The following SELP variants were observed in gnomAD, a reference collection of about 807,000 sequenced individuals.
SELP encodes the protein selectin P.
SELP carries 92 observed loss-of-function variants against 104.1 expected under a neutral mutation model. The ratio of observed to expected loss-of-function variants is 0.88; its 90% CI spans 0.75 to 1.05. The LOEUF (loss-of-function observed/expected upper bound fraction) is 1.05. Ranked by LOEUF, SELP falls within the 50% of genes least tolerant of loss-of-function variation. The pLI is 0.00. For missense variants in SELP, 1,022 were observed against 1,017.3 expected, an observed-to-expected ratio of 1.00 and a Z score of -0.06; for synonymous variants, 397 against 364.5, an observed-to-expected ratio of 1.09 and a Z score of -1.01.
At chr1:169,628,109 T>C (rs1417351975) in intron 1 of SELP, among the ~76,000 whole-genome samples, 1 of 152,242 alleles carries the variant, frequency 6.6e-6, no homozygotes, top group Non-Finnish European at 1.5e-5. Context: ...TTGGCCAGGC[T>C]GCTCTTGAAC....
rs763821804 is a variant in SELP, at chr1:169,611,696, G to A, written c.962-19C>T. On this transcript the variant is annotated intron_variant, in intron 6 of 16. Transcript: ENST00000263686. ...TGCACAGCTGGAGAGAATAACCAAG[G>A]ATAAAGAGAAAGATACTGAGAAAGG... is the stretch of plus-strand genomic sequence containing the variant. 22 of 1,608,200 alleles carry A rather than the reference G, an allele frequency of 1.4e-5. No individual in the cohort carries two copies. The highest frequency in any genetic ancestry group is 1.7e-5 in the Non-Finnish European group (20 of 1,177,124).
chr1:169,597,055 C>T lies in SELP; in HGVS notation c.1827G>A (p.Glu609=). The T allele has an allele frequency of 6.2e-7, 1 of 1,613,380 alleles. No homozygotes were observed. Among genetic ancestry groups the T allele is most frequent in the Non-Finnish European group, 8.5e-7 (1 of 1,179,638 alleles). ...TTGTGCATTCCACATTATTGGGCCCCTCCAGCTTAAAGCCGTTGTCACAAG... is the reference window on the plus strand; with the variant it reads ...TTGTGCATTCCACATTATTGGGCCCTTCCAGCTTAAAGCCGTTGTCACAAG... ...HFSCDNGFKL[E]GPNNVECTTS... is the part of the protein sequence containing the mutation. Residue 609 remains glutamate, a synonymous_variant, in exon 11 of 17, where the codon GAG becomes GAA. Coordinates refer to ENST00000263686, the MANE Select transcript of SELP (RefSeq NM_003005.4).
chr1:169,624,179 C>A (rs921963599), intron 1 of SELP, among the ~76,000 whole-genome samples: 2 of 152,148 alleles, frequency 1.3e-5, no homozygotes, highest in African/African-American at 2.4e-5. Flanking sequence ...TCCTCTGAAA[C>A]CTGCTTGGGG....
chr1:169,597,318 C>T (rs754108069), intron 10 of SELP, 142 bp from the exon 11 acceptor site: 5 of 668,380 alleles, frequency 7.5e-6, no homozygotes, highest in African/African-American at 1.9e-5. Flanking sequence ...CAGCATTCCA[C>T]AACATATCAT....
At chr1:169,616,600 G>C (rs1466459700) in intron 3 of SELP, among the ~76,000 whole-genome samples, 9 of 152,170 alleles carry the variant, frequency 5.9e-5, no homozygotes, top group Non-Finnish European at 1.0e-4. Flanking sequence ...AGTTACAGCT[G>C]TGTCACCTAG....
At chr1:169,609,744 T>C (rs1662409615) in intron 7 of SELP, 55 bp from the exon 8 acceptor site, 2 of 1,502,252 alleles carry the variant, frequency 1.3e-6, no homozygotes, top group Admixed American at 2.0e-5. Flanking sequence ...GGGTTCTTCC[T>C]CAGAAAAAAT....
chr1:169,602,945 A>G (rs1334617041), intron 10 of SELP, 81 bp downstream of exon 10: 17 of 1,232,250 alleles, frequency 1.4e-5, no homozygotes, highest in Admixed American at 2.2e-5. Context: ...GCTCAAGAAC[A>G]CTTTTATATA....
In SELP at chr1:169,589,287, TTG is replaced by T. The variant is rs1661232027; in HGVS notation, c.*174_*175del. The T allele has an allele frequency of 6.6e-6, 1 of 152,238 alleles. No homozygotes were observed. The highest frequency in any genetic ancestry group is 1.5e-5 in the Non-Finnish European group (1 of 68,072). 9.4% of individuals were successfully genotyped at this position (152,238 alleles called of 1,614,324 possible). A position where few individuals can be genotyped will look rare whatever the true frequency, so the allele number is the denominator to read the frequency against. On this transcript the variant is annotated 3_prime_UTR_variant, in exon 17 of 17. Coordinates refer to ENST00000263686, the MANE Select transcript of SELP (RefSeq NM_003005.4). ...AACATTTGCTCCTGGCTTCTGTGGC[TTG>T]TGTTACAGGAAGAGAAGAGGTGGGA...
At chr1:169,602,843 A>G (rs1661973599) in intron 10 of SELP, among the ~76,000 whole-genome samples, 183 bp downstream of exon 10, 1 of 152,194 alleles carries the variant, frequency 6.6e-6, no homozygotes, top group African/African-American at 2.4e-5. Flanking sequence ...AAACTGTGGA[A>G]TATTTAACTA....
intron 1 of SELP, among the ~76,000 whole-genome samples, chr1:169,621,633 T>C (rs914471595): frequency 2.0e-5 from 3 of 152,194 alleles, no homozygotes; most frequent in African/African-American, 7.2e-5. Context: ...AACCAGTTAA[T>C]GTGTCCCAGA....
At chr1:169,616,080 A>G (rs948459323) in intron 3 of SELP, among the ~76,000 whole-genome samples, 2 of 152,314 alleles carry the variant, frequency 1.3e-5, no homozygotes, top group South Asian at 4.1e-4. Flanking sequence ...GCTCGTGACT[A>G]GAGGAAGACC....
chr1:169,596,093 G>T lies in SELP; in HGVS notation c.1933C>A (p.Leu645Ile). The change falls in exon 12 of 17, where the codon CTC (leucine) becomes ATC (isoleucine). Residue 645 changes from leucine to isoleucine, a missense_variant. Physicochemically the swap from Leu to Ile is conservative, Grantham distance 5 (BLOSUM62 2). Transcript: ENST00000263686. ...ATGGTTCCCTGCCCAGGAGTGGTGA[G>T]GGCTGGACATTGCACCCCTGGAGTA... Reference protein sequence around the residue: ...LPTPGVQCPALTTPGQGTMYC... With the variant: ...LPTPGVQCPAITTPGQGTMYC... The T allele has an allele frequency of 6.2e-7, 1 of 1,613,858 alleles. No homozygotes were observed. The highest frequency in any genetic ancestry group is 8.5e-7 in the Non-Finnish European group (1 of 1,179,816).
intron 9 of SELP, among the ~76,000 whole-genome samples, chr1:169,605,071 A>G (rs1056570036): frequency 2.6e-5 from 4 of 152,006 alleles, no homozygotes; most frequent in Non-Finnish European, 5.9e-5. Context: ...GTGAGTGGCA[A>G]CCTCCTTGCT....
intron 1 of SELP, among the ~76,000 whole-genome samples, chr1:169,628,902 TATTC>T (rs1663502690): frequency 6.6e-6 from 1 of 151,174 alleles, no homozygotes; most frequent in Admixed American, 6.6e-5. Flanking sequence ...ATCATACTCT[TATTC>T]CTGTTTTCCC....
intron 9 of SELP, among the ~76,000 whole-genome samples, chr1:169,604,865 T>C (rs1355563857): frequency 6.6e-6 from 1 of 151,966 alleles, no homozygotes; most frequent in Non-Finnish European, 1.5e-5. Context: ...TGGGAGGACA[T>C]TAAAAAGGGA....
chr1:169,600,178 C>G (rs112752320), intron 10 of SELP, among the ~76,000 whole-genome samples: 80 of 152,074 alleles, frequency 5.3e-4, no homozygotes, highest in Middle Eastern at 6.8e-3. Flanking sequence ...TCTCTGTATC[C>G]AAGGGTTCTG....
chr1:169,603,190 A>T lies in SELP; in HGVS notation c.1541T>A (p.Leu514Gln), dbSNP rs1289132693. 6.2e-7 allele frequency: 1 copy of T among 1,613,374 alleles called. No homozygotes were observed. Among genetic ancestry groups the T allele is most frequent in the Non-Finnish European group, 8.5e-7 (1 of 1,179,518 alleles). ...GGTCATTGTTCCATTCTGAGGGCTT[A>T]GCAAAGGTGTGCAGGGAATGGCTAT... Reference protein sequence around the residue: ...ECQAIPCTPLLSPQNGTMTCV... With the variant: ...ECQAIPCTPLQSPQNGTMTCV... The change falls in exon 10 of 17, where the codon CTA becomes CAA. Residue 514 changes from leucine (L) to glutamine (Q), a missense_variant. Transcript: ENST00000263686.
At chr1:169,627,548 CT>C (rs1663432007) in intron 1 of SELP, among the ~76,000 whole-genome samples, 2 of 152,158 alleles carry the variant, frequency 1.3e-5, no homozygotes, top group South Asian at 4.1e-4. Flanking sequence ...TTCTGATTTA[CT>C]TTTTAATCAA....
chr1:169,591,297 A>G, intron 15 of SELP, 129 bp downstream of exon 15: 1 of 561,126 alleles, frequency 1.8e-6, no homozygotes, highest in Non-Finnish European at 3.2e-6. Flanking sequence ...TTCAGAGTAG[A>G]AAAGAAGACA....
Sources: allele counts gnomAD v4.1 joint callset (sites outside exome capture counted in the v4.1 genomes callset), GRCh38; gene constraint gnomAD v4.1.1; transcripts MANE v1.5; gene names NCBI Gene and HGNC (gene_info 2026-07-23, HGNC 2026-07-21).